HABP2: variants seen among roughly 807,000 people sequenced by gnomAD.
HABP2 encodes hyaluronan binding protein 2, also known as factor VII-activating protease.
HABP2 carries 65 observed loss-of-function variants against 66.5 expected under a neutral mutation model. The ratio of observed to expected loss-of-function variants is 0.98; its 90% CI spans 0.80 to 1.20. The LOEUF (loss-of-function observed/expected upper bound fraction) is 1.20, where lower values mean the gene tolerates loss of function less well. Among genes scored for constraint, HABP2 ranks in the 50% most tolerant of loss-of-function variants. The probability of loss-of-function intolerance (pLI) is 0.00; values close to 1 mark genes in which losing one functional copy is unlikely to be tolerated. For missense variants in HABP2, 786 were observed against 691.0 expected (o/e 1.14, Z -1.54); for synonymous variants, 263 against 253.9 (o/e 1.04, Z -0.34).
intron 2 of HABP2, among the ~76,000 whole-genome samples, chr10:113,573,143 C>T (rs772750992): frequency 1.6e-4 from 25 of 152,178 alleles, no homozygotes; most frequent in Non-Finnish European, 2.5e-4. Context: ...TTCAACTTGC[C>T]GACTTGCCAT....
At chr10:113,552,846 A>C (rs1304197640), upstream of HABP2, among the ~76,000 whole-genome samples, 3 of 152,180 alleles carry the variant, frequency 2.0e-5, no homozygotes, top group Non-Finnish European at 4.4e-5. Flanking sequence ...TGCACCGTGG[A>C]GCCAGGGGGC....
chr10:113,569,959 C>T (rs980528677), intron 2 of HABP2: 1 of 152,236 alleles, frequency 6.6e-6, no homozygotes, highest in Admixed American at 6.5e-5. Context: ...AAGCTCCCAT[C>T]GCAGGAACTC....
At chr10:113,555,577 G>GA (rs911804551) in intron 1 of HABP2, among the ~76,000 whole-genome samples, 1 of 152,144 alleles carries the variant, frequency 6.6e-6, no homozygotes, top group Non-Finnish European at 1.5e-5. Flanking sequence ...TGTTCTTTGG[G>GA]ATCATCTGTC....
At chr10:113,584,672 C>T (rs767525101) in intron 11 of HABP2, among the ~76,000 whole-genome samples, 85 of 152,164 alleles carry the variant, frequency 5.6e-4, no homozygotes, top group Non-Finnish European at 1.0e-3. Flanking sequence ...TCTCAATAAT[C>T]ATACTTACTT....
chr10:113,580,763 A>AC, intron 8 of HABP2, 71 bp downstream of exon 8: 1 of 801,552 alleles, frequency 1.2e-6, no homozygotes, highest in Non-Finnish European at 2.2e-6. Flanking sequence ...TGTCCCTGGC[A>AC]CCTGGTCCCT....
intron 11 of HABP2, among the ~76,000 whole-genome samples, chr10:113,585,592 T>A (rs920667701): frequency 6.6e-6 from 1 of 152,204 alleles, no homozygotes; most frequent in Non-Finnish European, 1.5e-5. Flanking sequence ...CTGGTCCATG[T>A]ATCATGACCA....
chr10:113,577,182 C>T lies in HABP2; in HGVS notation c.364C>T (p.Arg122Trp), dbSNP rs78201625. The change falls in exon 5 of 13, where the codon CGG (arginine) becomes TGG (tryptophan). Residue 122 changes from arginine (R) to tryptophan (W), a missense_variant. By Grantham distance (101) the Arg-to-Trp change is moderately radical. Coordinates refer to ENST00000351270, the MANE Select transcript of HABP2 (RefSeq NM_004132.5). The part of the protein sequence containing the change: ...QNTCKDNPCG[R>W]GQCLITQSPP... ...TACGTGCAAGGACAACCCATGTGGC[C>T]GGGGCCAATGTCTCATTACCCAGAG... The T allele has an allele frequency of 2.6e-3, 4,178 of 1,611,656 alleles. 3 individuals carry two copies. The highest frequency in any genetic ancestry group is 4.6e-3 in the South Asian group (420 of 91,020).
At position 113,577,160 on chromosome 10, in the gene HABP2, G is replaced by T. The variant is rs142164108; in HGVS notation, c.342G>T (p.Thr114=). The T allele has an allele frequency of 1.9e-6, 3 of 1,598,606 alleles. No individual in the cohort carries two copies. Among genetic ancestry groups the T allele is most frequent in the African/African-American group, 2.7e-5 (2 of 74,548 alleles). Residue 114 remains threonine, a synonymous_variant, in exon 5 of 13, where the codon ACG becomes ACT. Transcript: ENST00000351270. ...ATGGATCTCCTACAGTGCAAAATAC[G>T]TGCAAGGACAACCCATGTGGCCGGG... ...SGNKCQKVQN[T]CKDNPCGRGQ... is the part of the protein sequence containing the mutation.
At chr10:113,568,165 C>T (rs1196517992) in intron 2 of HABP2, among the ~76,000 whole-genome samples, 1 of 152,254 alleles carries the variant, frequency 6.6e-6, no homozygotes, top group Non-Finnish European at 1.5e-5. Flanking sequence ...AGGGCCACCC[C>T]TTCCACATCA....
chr10:113,583,627 A>C (rs769861064), intron 10 of HABP2, among the ~76,000 whole-genome samples: 21 of 152,236 alleles, frequency 1.4e-4, no homozygotes, highest in Non-Finnish European at 2.4e-4. Context: ...CAGCTTCCCA[A>C]CTTTATCACC....
chr10:113,589,401 C>T lies in HABP2; in HGVS notation c.*1032C>T, dbSNP rs759067744. On this transcript the variant is annotated 3_prime_UTR_variant, in exon 13 of 13. Coordinates refer to ENST00000351270, the MANE Select transcript of HABP2 (RefSeq NM_004132.5). ...GTCAGCACAGCCTGGGCTGCCCTGG[C>T]CCGGGATTGATGTAGCCCCGGTAGG... 1 of 577,072 alleles carries T rather than the reference C, an allele frequency of 1.7e-6. No homozygotes were observed. The highest frequency in any genetic ancestry group is 3.1e-6 in the Non-Finnish European group (1 of 327,092). The allele number at this position is 577,072 out of a possible 1,614,324, so 35.7% of individuals were successfully genotyped here.
chr10:113,554,349 T>C (rs1202233301), intron 1 of HABP2, among the ~76,000 whole-genome samples: 7 of 152,320 alleles, frequency 4.6e-5, no homozygotes, highest in Non-Finnish European at 8.8e-5. Flanking sequence ...CCCATTTCAC[T>C]CCATAGAGCG....
chr10:113,585,998 G>C (rs1845626406), intron 12 of HABP2, 60 bp downstream of exon 12: 2 of 1,493,458 alleles, frequency 1.3e-6, no homozygotes, highest in Non-Finnish European at 1.9e-6. Flanking sequence ...TCACTAGGCA[G>C]AGGACCCTTA....
At position 113,582,000 on chromosome 10, in the gene HABP2, G is replaced by A. The variant is rs548188334; in HGVS notation, c.963G>A (p.Thr321=). The change falls in exon 9 of 13, where the codon ACG becomes ACA. Residue 321 remains threonine, a synonymous_variant. Coordinates refer to ENST00000351270, the MANE Select transcript of HABP2 (RefSeq NM_004132.5). ...GAATCTATGGAGGCTTTAAGAGCAC[G>A]GCGGGCAAGCACCCATGGCAGGCGT... ...IKRIYGGFKS[T]AGKHPWQASL... 2.5e-5 allele frequency: 40 copies of A among 1,614,190 alleles called. No homozygotes were observed. The South Asian group carries it at 3.4e-4, about 14-fold the overall frequency.
chr10:113,574,108 T>A (rs1416416718), intron 2 of HABP2, among the ~76,000 whole-genome samples, 181 bp from the exon 3 acceptor site: 1 of 152,134 alleles, frequency 6.6e-6, no homozygotes, highest in African/African-American at 2.4e-5. Flanking sequence ...GTCCCCCAAG[T>A]GAAAAGATGC....
intron 11 of HABP2, 84 bp from the exon 12 acceptor site, chr10:113,585,709 C>A: frequency 9.8e-7 from 1 of 1,023,264 alleles, no homozygotes; most frequent in Non-Finnish European, 1.5e-6. Flanking sequence ...TGGTGGGCTT[C>A]TCCCTGACAA....
chr10:113,567,909 G>C (rs1845229847), intron 2 of HABP2, among the ~76,000 whole-genome samples: 1 of 152,222 alleles, frequency 6.6e-6, no homozygotes, highest in South Asian at 2.1e-4. Context: ...ATGGCTCCAG[G>C]CAGGCCGCTC....
At chr10:113,562,118 G>C (rs569887433) in intron 1 of HABP2, among the ~76,000 whole-genome samples, 1 of 152,294 alleles carries the variant, frequency 6.6e-6, no homozygotes, top group South Asian at 2.1e-4. Context: ...ATAAACAGTC[G>C]TTGGATCTAG....
At chr10:113,564,824 C>T (rs1845167253) in intron 1 of HABP2, among the ~76,000 whole-genome samples, 1 of 131,608 alleles carries the variant, frequency 7.6e-6, no homozygotes, top group Admixed American at 8.8e-5. Flanking sequence ...TTGTAGACAT[C>T]ACTCTACCTC....
Sources: allele counts gnomAD v4.1 joint callset (sites outside exome capture counted in the v4.1 genomes callset), GRCh38; gene constraint gnomAD v4.1.1; transcripts MANE v1.5; gene names NCBI Gene and HGNC (gene_info 2026-07-23, HGNC 2026-07-21).